RANBP17: variants seen among roughly 807,000 people sequenced by gnomAD.
RANBP17 encodes RAN binding protein 17.
In RANBP17, 158 loss-of-function variants were observed where a neutral mutation model predicts 141.2. That is an observed-to-expected ratio of 1.12 (90% CI 0.98 to 1.28). The LOEUF is 1.28. Ranked by LOEUF, RANBP17 falls within the 50% of genes most tolerant of loss-of-function variation. RANBP17 has a pLI of 0.00. For synonymous variants in RANBP17, 430 were observed against 450.0 expected, an observed-to-expected ratio of 0.96 and a Z score of 0.56; for missense variants, 1,438 against 1,290.7, an observed-to-expected ratio of 1.11 and a Z score of -1.75.
intron 12 of RANBP17, among the ~76,000 whole-genome samples, chr5:170,945,839 T>G (rs1774703583): frequency 6.6e-6 from 1 of 152,144 alleles, no homozygotes; most frequent in East Asian, 1.9e-4. Flanking sequence ...GTGAAATGTC[T>G]CCTTGGTAAT....
chr5:171,195,128 A>G (rs1021018523), intron 18 of RANBP17, among the ~76,000 whole-genome samples: 1 of 152,242 alleles, frequency 6.6e-6, no homozygotes, highest in Non-Finnish European at 1.5e-5. Context: ...CCTGATGGCA[A>G]TGAAAATATT....
chr5:170,909,199 C>A (rs763965494), intron 5 of RANBP17, among the ~76,000 whole-genome samples: 5 of 151,752 alleles, frequency 3.3e-5, no homozygotes, highest in Non-Finnish European at 7.4e-5. Flanking sequence ...GGTTTCTTTT[C>A]GTAGTATCAA....
In RANBP17 at chr5:170,968,331, AG is replaced by A; in HGVS notation, c.1665del (p.Gln555HisfsTer25). The A allele has an allele frequency of 6.2e-7, 1 of 1,609,720 alleles. No individual in the cohort carries two copies. Among genetic ancestry groups the A allele is most frequent in the Non-Finnish European group, 8.5e-7 (1 of 1,178,084 alleles). On this transcript the variant is annotated frameshift_variant, in exon 14 of 28. Coordinates refer to ENST00000523189, the MANE Select transcript of RANBP17 (RefSeq NM_022897.5). LOFTEE classifies it high-confidence loss of function. ...IELAILWFLD[Q>X]FRKTYVGDQL... ...CTTGCAATTCTGTGGTTCTTGGATC[AG>A]TTTCGTAAAACATATGTTGGTGATC...
intron 14 of RANBP17, among the ~76,000 whole-genome samples, chr5:171,083,628 A>C (rs1215816916): frequency 1.3e-5 from 2 of 152,112 alleles, no homozygotes; most frequent in East Asian, 1.9e-4. Context: ...GTAATGCAAA[A>C]CCTATATATG....
At chr5:171,010,489 GAGTTC>G (rs1779960865) in intron 14 of RANBP17, among the ~76,000 whole-genome samples, 1 of 152,106 alleles carries the variant, frequency 6.6e-6, no homozygotes, top group South Asian at 2.1e-4. Context: ...ATACAATACA[GAGTTC>G]CAAGATTATA....
chr5:170,924,604 A>T, intron 12 of RANBP17, 54 bp downstream of exon 12: 1 of 1,154,382 alleles, frequency 8.7e-7, no homozygotes, highest in Non-Finnish European at 1.2e-6. Flanking sequence ...AAGTAACATC[A>T]TTAATCACTT....
At chr5:170,866,659 A>C (rs145260934) in intron 1 of RANBP17, among the ~76,000 whole-genome samples, 2,678 of 151,616 alleles carry the variant, frequency 0.018, 72 homozygotes, top group African/African-American at 0.061. Context: ...TGGGCAACAG[A>C]GCGAGACTCC....
intron 18 of RANBP17, among the ~76,000 whole-genome samples, chr5:171,196,244 A>G (rs897385513): frequency 1.3e-5 from 2 of 152,192 alleles, no homozygotes; most frequent in Non-Finnish European, 2.9e-5. Flanking sequence ...AGGAAGTGAC[A>G]GTTAAGTAGA....
intron 14 of RANBP17, among the ~76,000 whole-genome samples, chr5:171,087,360 T>G: frequency 6.6e-6 from 1 of 152,114 alleles, no homozygotes; most frequent in East Asian, 1.9e-4. Flanking sequence ...CTTTTACATT[T>G]GCTGAGGAGA....
chr5:170,894,600 G>A (rs1375664128), intron 4 of RANBP17, among the ~76,000 whole-genome samples: 2 of 151,030 alleles, frequency 1.3e-5, no homozygotes, highest in Non-Finnish European at 2.9e-5. Flanking sequence ...TTGAGTATTA[G>A]CAGCTTTTGT....
intron 24 of RANBP17, among the ~76,000 whole-genome samples, chr5:171,260,600 A>G (rs1346015973): frequency 6.6e-6 from 1 of 152,164 alleles, no homozygotes; most frequent in Non-Finnish European, 1.5e-5. Context: ...ATAGCAGAGT[A>G]GGGTGACTAT....
intron 13 of RANBP17, among the ~76,000 whole-genome samples, chr5:170,961,837 C>CA (rs1776168041): frequency 6.6e-6 from 1 of 152,180 alleles, no homozygotes; most frequent in South Asian, 2.1e-4. Flanking sequence ...TAGAGACTGT[C>CA]AATTGTCTTT....
intron 14 of RANBP17, among the ~76,000 whole-genome samples, chr5:170,981,271 A>G (rs1312738065): frequency 1.3e-5 from 2 of 152,214 alleles, no homozygotes; most frequent in Non-Finnish European, 2.9e-5. Context: ...CTTTGAGTTA[A>G]TGCTGAAATG....
chr5:171,160,800 T>G (rs796222970), intron 14 of RANBP17, among the ~76,000 whole-genome samples: 11 of 149,342 alleles, frequency 7.4e-5, no homozygotes, highest in African/African-American at 2.2e-4. Context: ...TTCTTTTTGG[T>G]TTTTTTTTTG....
Position 171,187,443 on chromosome 5 carries a change from T to TAA in RANBP17, c.2038+4025_2038+4026dup, listed in dbSNP as rs543248889. 4.2e-3 allele frequency among the ~76,000 whole-genome samples: 601 copies of TAA among 142,982 alleles called. 4 individuals are homozygous for TAA. The highest frequency in any genetic ancestry group is 0.015 in the African/African-American group (578 of 39,204). The allele number at this position is 142,982 out of a possible 152,430, so 93.8% of individuals were successfully genotyped here. ...GTTTGCCACAAATCTTTAATTTGTT[T>TAA]AAAAAAAAAAAAAGTGTGGTATCTG... On this transcript the variant is annotated intron_variant, in intron 18 of 27. Coordinates refer to ENST00000523189, the MANE Select transcript of RANBP17 (RefSeq NM_022897.5).
chr5:170,874,056 T>C (rs1299468121), intron 1 of RANBP17, among the ~76,000 whole-genome samples: 1 of 152,204 alleles, frequency 6.6e-6, no homozygotes, highest in East Asian at 1.9e-4. Flanking sequence ...TTTGTTCTCA[T>C]TGGTTTCATA....
intron 14 of RANBP17, among the ~76,000 whole-genome samples, chr5:171,120,087 G>A (rs902989490): frequency 4.7e-5 from 7 of 149,796 alleles, no homozygotes; most frequent in African/African-American, 1.7e-4. Context: ...TGATGGTCTT[G>A]GATAAGATCC....
chr5:171,272,638 C>T (rs961869874), intron 25 of RANBP17, among the ~76,000 whole-genome samples: 6 of 152,130 alleles, frequency 3.9e-5, no homozygotes, highest in African/African-American at 1.2e-4. Context: ...ATCTCTGTTC[C>T]TTTGTTTAGT....
chr5:171,128,718 C>A (rs540219787), intron 14 of RANBP17, among the ~76,000 whole-genome samples: 1 of 152,148 alleles, frequency 6.6e-6, no homozygotes, highest in African/African-American at 2.4e-5. Flanking sequence ...TCCTAAACAT[C>A]TTGATTTTAT....
Sources: allele counts gnomAD v4.1 joint callset (sites outside exome capture counted in the v4.1 genomes callset), GRCh38; gene constraint gnomAD v4.1.1; transcripts MANE v1.5; gene names NCBI Gene and HGNC (gene_info 2026-07-23, HGNC 2026-07-21).